Variants in NEK11 observed in about 807,000 individuals in gnomAD.
NEK11 encodes NIMA related kinase 11, also known as serine/threonine-protein kinase Nek11.
NEK11 carries 72 observed loss-of-function variants against 80.7 expected under a neutral mutation model. That is an observed-to-expected ratio of 0.89 (90% CI 0.74 to 1.08). The LOEUF is 1.08. Ranked by LOEUF, NEK11 falls within the 50% of genes least tolerant of loss-of-function variation. The pLI is 0.00. For missense variants in NEK11, 764 were observed against 763.6 expected (o/e 1.00, Z -0.01); for synonymous variants, 251 against 260.7 (o/e 0.96, Z 0.36).
intron 3 of NEK11, among the ~76,000 whole-genome samples, chr3:131,067,903 CG>C: frequency 6.6e-6 from 1 of 152,210 alleles, no homozygotes; most frequent in East Asian, 1.9e-4. Context: ...TATTTTAAAA[CG>C]GACGGTTTTG....
intron 17 of NEK11, among the ~76,000 whole-genome samples, chr3:131,291,161 A>T (rs191126569): frequency 1.2e-4 from 18 of 152,212 alleles, no homozygotes; most frequent in Non-Finnish European, 2.4e-4. Flanking sequence ...CTTTTCTGGA[A>T]TGTCATATAG....
chr3:131,088,733 T>G (rs1253073931), intron 4 of NEK11, among the ~76,000 whole-genome samples: 1 of 152,180 alleles, frequency 6.6e-6, no homozygotes, highest in African/African-American at 2.4e-5. Flanking sequence ...AAATACTAAC[T>G]AAACTCAAGA....
intron 3 of NEK11, among the ~76,000 whole-genome samples, chr3:131,055,920 C>T (rs2069388163): frequency 6.6e-6 from 1 of 152,082 alleles, no homozygotes; most frequent in African/African-American, 2.4e-5. Flanking sequence ...ACCACTAAAG[C>T]TCTTGTTTTT....
chr3:131,348,790 C>G (rs2097405709), intron 17 of NEK11, among the ~76,000 whole-genome samples: 1 of 151,540 alleles, frequency 6.6e-6, no homozygotes, highest in Non-Finnish European at 1.5e-5. Flanking sequence ...ATAACTTTAC[C>G]CCTTTTAAGC....
chr3:131,097,228 A>G (rs990227803), intron 4 of NEK11, among the ~76,000 whole-genome samples: 6 of 151,990 alleles, frequency 3.9e-5, no homozygotes, highest in Admixed American at 2.6e-4. Context: ...AGCATGATTT[A>G]TAGTCCTTTG....
intron 14 of NEK11, among the ~76,000 whole-genome samples, chr3:131,225,229 G>A (rs900388689): frequency 2.0e-5 from 3 of 152,182 alleles, no homozygotes; most frequent in African/African-American, 7.2e-5. Flanking sequence ...ACTTACCACT[G>A]TATTACAATT....
chr3:131,097,834 A>G (rs1234378608), intron 4 of NEK11, among the ~76,000 whole-genome samples: 1 of 142,916 alleles, frequency 7.0e-6, no homozygotes, highest in African/African-American at 2.5e-5. Context: ...ACCAAAAAAG[A>G]GCCCGCATCG....
intron 3 of NEK11, among the ~76,000 whole-genome samples, chr3:131,031,460 A>T (rs1395515440): frequency 6.6e-6 from 1 of 152,242 alleles, no homozygotes; most frequent in Admixed American, 6.5e-5. Context: ...ACACTGTAGG[A>T]TCATATCCAA....
chr3:131,311,004 A>G (rs1380126315), intron 17 of NEK11, among the ~76,000 whole-genome samples: 1 of 152,224 alleles, frequency 6.6e-6, no homozygotes, highest in Admixed American at 6.5e-5. Context: ...TTCCCCTCTC[A>G]TAACTCCCCT....
chr3:131,302,042 T>C (rs1254937095), intron 17 of NEK11, among the ~76,000 whole-genome samples: 1 of 152,190 alleles, frequency 6.6e-6, no homozygotes, highest in Admixed American at 6.5e-5. Context: ...ACCTCATTAC[T>C]GGTCTGTTTT....
chr3:131,334,425 C>A (rs1413759291), intron 17 of NEK11, among the ~76,000 whole-genome samples: 1 of 151,338 alleles, frequency 6.6e-6, no homozygotes, highest in Non-Finnish European at 1.5e-5. Flanking sequence ...CCAATGAGAA[C>A]AAAGACACAA....
chr3:131,047,180 A>G (rs1303815516), intron 3 of NEK11, among the ~76,000 whole-genome samples: 3 of 151,846 alleles, frequency 2.0e-5, no homozygotes, highest in African/African-American at 2.4e-5. Flanking sequence ...TTCTTTTCAT[A>G]TCTTGTATCA....
At chr3:131,278,356 A>G (rs2096336356) in intron 17 of NEK11, among the ~76,000 whole-genome samples, 2 of 152,166 alleles carry the variant, frequency 1.3e-5, no homozygotes, top group South Asian at 4.1e-4. Flanking sequence ...TTTCTGACTG[A>G]GGAATTTCCA....
intron 5 of NEK11, among the ~76,000 whole-genome samples, chr3:131,116,271 C>A (rs2081214961): frequency 6.6e-6 from 1 of 151,960 alleles, no homozygotes. Context: ...TGATGGTTTC[C>A]AGCTTCTTCC....
chr3:131,187,948 A>C (rs771908455), intron 14 of NEK11, among the ~76,000 whole-genome samples: 7 of 152,216 alleles, frequency 4.6e-5, no homozygotes, highest in Non-Finnish European at 1.0e-4. Context: ...TACAAGACTG[A>C]AGAGAAAATA....
At chr3:131,328,952 G>A (rs2097024158) in intron 17 of NEK11, 1 of 152,222 alleles carries the variant, frequency 6.6e-6, no homozygotes, top group Non-Finnish European at 1.5e-5. Context: ...ATGGGCAGCA[G>A]GGCAGCTGGG....
intron 3 of NEK11, among the ~76,000 whole-genome samples, chr3:131,066,745 G>A (rs1429079335): frequency 2.0e-5 from 3 of 151,734 alleles, no homozygotes; most frequent in African/African-American, 7.3e-5. Flanking sequence ...GGGAGGCTGA[G>A]GCAGGAGAAT....
intron 17 of NEK11, among the ~76,000 whole-genome samples, chr3:131,299,520 C>T (rs555054650): frequency 6.6e-6 from 1 of 151,690 alleles, no homozygotes; most frequent in East Asian, 1.9e-4. Context: ...GATCCTTACC[C>T]TCCTCCCACC....
At chr3:131,242,117 A>G (rs1179997319) in intron 15 of NEK11, among the ~76,000 whole-genome samples, 1 of 152,122 alleles carries the variant, frequency 6.6e-6, no homozygotes, top group East Asian at 1.9e-4. Context: ...CATAAAAGCA[A>G]TGTCTAATTC....
Sources: gnomAD v4.1 joint callset for allele counts (sites outside exome capture counted in the v4.1 genomes callset) on GRCh38, gnomAD v4.1.1 for gene constraint, MANE v1.5 for transcripts, NCBI Gene and HGNC (gene_info 2026-07-23, HGNC 2026-07-21) for gene names.